The following SLAMF1 variants were observed in gnomAD, a reference collection of about 807,000 sequenced individuals.
The protein encoded by SLAMF1 is signaling lymphocytic activation molecule family member 1, also known as signaling lymphocytic activation molecule.
SLAMF1 carries 18 observed loss-of-function variants against 35.1 expected under a neutral mutation model. The ratio of observed to expected loss-of-function variants is 0.51; its 90% CI spans 0.35 to 0.76. The LOEUF is 0.76. Among genes scored for constraint, SLAMF1 ranks in the 30% least tolerant of loss-of-function variants. The pLI, the probability that SLAMF1 is intolerant of heterozygous loss-of-function variation, is 0.01. For missense variants in SLAMF1, 392 were observed against 413.0 expected (o/e 0.95, Z 0.44); for synonymous variants, 168 against 157.2 (o/e 1.07, Z -0.51).
chr1:160,643,794 G>A (rs536188889), intron 1 of SLAMF1, among the ~76,000 whole-genome samples: 1 of 152,150 alleles, frequency 6.6e-6, no homozygotes. Flanking sequence ...CAGTTATTTT[G>A]ATATGTACAA....
intron 1 of SLAMF1, among the ~76,000 whole-genome samples, chr1:160,645,304 T>C (rs1388029421): frequency 6.6e-6 from 1 of 152,184 alleles, no homozygotes; most frequent in Non-Finnish European, 1.5e-5. Flanking sequence ...TGGGTTTTAT[T>C]GGGGCTTCAC....
At chr1:160,616,760 A>C (rs180801876) in intron 5 of SLAMF1, among the ~76,000 whole-genome samples, 1 of 152,380 alleles carries the variant, frequency 6.6e-6, no homozygotes, top group African/African-American at 2.4e-5. Flanking sequence ...AAAGTTGTTC[A>C]ACTTCCTTAA....
At chr1:160,634,397 G>A (rs905472270) in intron 3 of SLAMF1, 10 of 984,492 alleles carry the variant, frequency 1.0e-5, no homozygotes, top group African/African-American at 1.7e-5. Context: ...ATCACCTCCT[G>A]TTGGTTTCGT....
At chr1:160,635,634 C>T (rs918689191) in intron 2 of SLAMF1, among the ~76,000 whole-genome samples, 9 of 149,300 alleles carry the variant, frequency 6.0e-5, no homozygotes, top group Admixed American at 4.7e-4. Flanking sequence ...TGCAGTGGCA[C>T]AATCTCAGCT....
chr1:160,639,780 A>G (rs1660645532), intron 1 of SLAMF1, among the ~76,000 whole-genome samples: 1 of 152,080 alleles, frequency 6.6e-6, no homozygotes, highest in Non-Finnish European at 1.5e-5. Context: ...ACCATAGTCC[A>G]TTATTGATAT....
chr1:160,634,960 C>A (rs1660359396), intron 2 of SLAMF1, 63 bp from the exon 3 acceptor site: 11 of 1,457,832 alleles, frequency 7.5e-6, no homozygotes, highest in Non-Finnish European at 9.3e-6. Context: ...CTCACTTGAC[C>A]TTTTTGTTAG....
intron 3 of SLAMF1, among the ~76,000 whole-genome samples, chr1:160,631,811 C>T (rs555575180): frequency 2.6e-5 from 4 of 152,120 alleles, no homozygotes; most frequent in Non-Finnish European, 5.9e-5. Context: ...AAACTTCTAG[C>T]CTCCAGAACC....
chr1:160,630,359 T>C (rs1660101283), intron 3 of SLAMF1, among the ~76,000 whole-genome samples: 1 of 152,184 alleles, frequency 6.6e-6, no homozygotes, highest in Non-Finnish European at 1.5e-5. Context: ...AAGAAAAAGA[T>C]TTCAAGGAAC....
rs139540890 is a variant in SLAMF1, at chr1:160,644,845, G to A, written c.76+2025C>T. ...AGGTTAGGCCAAGTCTAGAACCCAC[G>A]CACTTGTCCCTCACCTTCCCCCAAA... On this transcript the variant is annotated intron_variant, in intron 1 of 6. Coordinates refer to ENST00000302035, the MANE Select transcript of SLAMF1 (RefSeq NM_003037.5). Among the ~76,000 whole-genome samples the A allele has an allele frequency of 5.6e-4, 86 of 152,268 alleles. 3 individuals are homozygous for A. The East Asian group carries it at 0.015, about 26-fold the overall frequency.
At chr1:160,634,081 T>G (rs1660301079) in intron 3 of SLAMF1, among the ~76,000 whole-genome samples, 1 of 152,234 alleles carries the variant, frequency 6.6e-6, no homozygotes, top group Non-Finnish European at 1.5e-5. Flanking sequence ...CACAGTCCAT[T>G]CCATAAAACG....
At chr1:160,635,956 G>A (rs1660432201) in intron 2 of SLAMF1, among the ~76,000 whole-genome samples, 1 of 152,114 alleles carries the variant, frequency 6.6e-6, no homozygotes, top group African/African-American at 2.4e-5. Flanking sequence ...GTCCCAGGGA[G>A]GTGGAATATC....
chr1:160,626,316 G>A (rs1257266245), intron 3 of SLAMF1, among the ~76,000 whole-genome samples: 2 of 152,124 alleles, frequency 1.3e-5, no homozygotes, highest in Non-Finnish European at 2.9e-5. Flanking sequence ...AGAAACTAAC[G>A]ATGACTGGGT....
chr1:160,646,371 A>C (rs1193798853), intron 1 of SLAMF1, among the ~76,000 whole-genome samples: 1 of 152,122 alleles, frequency 6.6e-6, no homozygotes, highest in Non-Finnish European at 1.5e-5. Context: ...TGGAGTTTTC[A>C]CTTCTACTCT....
At chr1:160,643,428 G>T (rs1280064341) in intron 1 of SLAMF1, among the ~76,000 whole-genome samples, 3 of 152,112 alleles carry the variant, frequency 2.0e-5, no homozygotes, top group Admixed American at 6.5e-5. Flanking sequence ...CCTTGTTCAG[G>T]CTATAACCAT....
rs148007911 is a variant in SLAMF1 at position 160,632,389 on chromosome 1, G to C, written c.700+2224C>G. Among the ~76,000 whole-genome samples the C allele has an allele frequency of 2.0e-5, 3 of 152,234 alleles. No individual in the cohort carries two copies. In the East Asian group the frequency reaches 5.8e-4, roughly 29 times the overall value. The stretch of plus-strand genomic sequence containing the variant: ...GACAGGGCCCTTCCTGTGGTGCCAG[G>C]TTTCTACTGCTTCCTGTCCCTCCAC... On this transcript the variant is annotated intron_variant, in intron 3 of 6. Transcript: ENST00000302035.
chr1:160,612,339 T>A (rs1570961113), intron 6 of SLAMF1, 149 bp downstream of exon 6: 2 of 576,110 alleles, frequency 3.5e-6, no homozygotes, highest in East Asian at 5.7e-5. Flanking sequence ...TTATACACAG[T>A]ATTTTGTCAC....
At chr1:160,624,999 A>G (rs1002596126) in intron 3 of SLAMF1, among the ~76,000 whole-genome samples, 1 of 152,228 alleles carries the variant, frequency 6.6e-6, no homozygotes, top group Non-Finnish European at 1.5e-5. Flanking sequence ...GTACTAACAT[A>G]TTTAATCCTC....
At chr1:160,624,292 C>T (rs940755131) in intron 3 of SLAMF1, 107 bp from the exon 4 acceptor site, 7 of 809,750 alleles carry the variant, frequency 8.6e-6, no homozygotes, top group African/African-American at 3.5e-5. Context: ...TCTGCATTCT[C>T]TCCCAAGGGA....
intron 4 of SLAMF1, among the ~76,000 whole-genome samples, chr1:160,620,220 T>C (rs35819302): frequency 1.2e-3 from 183 of 152,328 alleles, no homozygotes; most frequent in Non-Finnish European, 2.4e-3. Flanking sequence ...AATGTGCATA[T>C]CTGGTCTCCT....
Sources: gnomAD v4.1 joint callset for allele counts (sites outside exome capture counted in the v4.1 genomes callset) on GRCh38, gnomAD v4.1.1 for gene constraint, MANE v1.5 for transcripts, NCBI Gene and HGNC (gene_info 2026-07-23, HGNC 2026-07-21) for gene names.